GALNT13: variants seen among roughly 807,000 people sequenced by gnomAD.
GALNT13 encodes polypeptide N-acetylgalactosaminyltransferase 13, also known as UDP-GalNAc:polypeptide N-acetylgalactosaminyltransferase 13.
A neutral mutation model predicts 64.2 loss-of-function variants in GALNT13; 28 were observed. The observed-to-expected ratio is 0.44, with a 90% CI of 0.32 to 0.60. GALNT13 has a LOEUF of 0.60. Ranked by LOEUF, GALNT13 falls within the 20% of genes least tolerant of loss-of-function variation. GALNT13 has a pLI of 0.05. For missense variants in GALNT13, 577 were observed against 669.8 expected (o/e 0.86, Z 1.53); for synonymous variants, 214 against 224.6 (o/e 0.95, Z 0.42).
At chr2:153,646,884 T>A in the GALNT13 span, among the ~76,000 whole-genome samples, 1 of 152,190 alleles carries the variant, frequency 6.6e-6, no homozygotes, top group African/African-American at 2.4e-5. Context: ...TTGGGTTGGT[T>A]CCAAGTCTTT....
chr2:154,028,451 G>A (rs902197713), intron 3 of GALNT13, among the ~76,000 whole-genome samples: 1 of 151,984 alleles, frequency 6.6e-6, no homozygotes, highest in Non-Finnish European at 1.5e-5. Flanking sequence ...CCACTTGGGG[G>A]ATTATTGTGC....
chr2:153,620,952 GT>G, the GALNT13 span, among the ~76,000 whole-genome samples: 1 of 152,030 alleles, frequency 6.6e-6, no homozygotes, highest in African/African-American at 2.4e-5. Flanking sequence ...TGTGATCTAA[GT>G]TATATTGCTT....
chr2:153,263,412 C>T, the GALNT13 span, among the ~76,000 whole-genome samples: 1 of 152,076 alleles, frequency 6.6e-6, no homozygotes, highest in South Asian at 2.1e-4. Context: ...GTTAAACTAC[C>T]ATTGACATTC....
Position 153,872,609 on chromosome 2 carries a change from T to C in GALNT13, c.-177+306T>C, listed in dbSNP as rs371401511. Among the ~76,000 whole-genome samples, 217 of 47,634 alleles carry C rather than the reference T, an allele frequency of 4.6e-3. 2 individuals carry two copies. The highest frequency in any genetic ancestry group is 0.02 in the African/African-American group (206 of 10,120). 31.2% of individuals were successfully genotyped at this position (47,634 alleles called of 152,430 possible). On this transcript the variant is annotated intron_variant, in intron 1 of 12. Transcript: ENST00000392825. ...CTGCTTTTCTGGCTACCCCGGTGAG[T>C]TGTTGGTGGCGGGGGGGGGGGGGGG...
chr2:153,881,002 G>C (rs1205732334), intron 1 of GALNT13, among the ~76,000 whole-genome samples: 1 of 152,080 alleles, frequency 6.6e-6, no homozygotes, highest in African/African-American at 2.4e-5. Flanking sequence ...ATTAAAAAAG[G>C]CTGTTCATTT....
At chr2:153,220,813 G>C in the GALNT13 span, among the ~76,000 whole-genome samples, 2 of 152,120 alleles carry the variant, frequency 1.3e-5, no homozygotes, top group Admixed American at 1.3e-4. Flanking sequence ...ATAATAAATA[G>C]AAAACAATAT....
intron 9 of GALNT13, among the ~76,000 whole-genome samples, chr2:154,356,663 T>C (rs577790938): frequency 5.0e-4 from 76 of 152,126 alleles, no homozygotes; most frequent in African/African-American, 1.8e-3. Flanking sequence ...AGGTCAGTTT[T>C]TCCCAAACCT....
chr2:153,920,437 A>G (rs1319505381), intron 2 of GALNT13, among the ~76,000 whole-genome samples: 5 of 152,142 alleles, frequency 3.3e-5, no homozygotes, highest in Admixed American at 3.3e-4. Flanking sequence ...TATATTCAGA[A>G]GATTAAAACT....
At chr2:153,250,294 G>C in the GALNT13 span, among the ~76,000 whole-genome samples, 1 of 152,146 alleles carries the variant, frequency 6.6e-6, no homozygotes. Flanking sequence ...GCTCATCATC[G>C]CTGGTCATTA....
chr2:153,419,446 A>G, the GALNT13 span, among the ~76,000 whole-genome samples: 19 of 152,358 alleles, frequency 1.2e-4, no homozygotes, highest in East Asian at 3.7e-3. Flanking sequence ...CTCAAAAATC[A>G]TATATCCTCC....
intron 4 of GALNT13, among the ~76,000 whole-genome samples, chr2:154,221,501 T>C (rs1489197457): frequency 2.6e-5 from 4 of 152,112 alleles, no homozygotes; most frequent in Non-Finnish European, 2.9e-5. Flanking sequence ...AATTAGAATC[T>C]GTAATTATAG....
chr2:153,576,700 T>C, the GALNT13 span, among the ~76,000 whole-genome samples: 22 of 152,194 alleles, frequency 1.4e-4, no homozygotes, highest in East Asian at 5.8e-4. Context: ...GATAGGAAGA[T>C]AAAACTAGGT....
At chr2:154,257,405 A>G (rs1690438467) in intron 7 of GALNT13, among the ~76,000 whole-genome samples, 1 of 152,048 alleles carries the variant, frequency 6.6e-6, no homozygotes, top group Admixed American at 6.6e-5. Context: ...TAATTGCAGC[A>G]ATTTTGGTTC....
the GALNT13 span, among the ~76,000 whole-genome samples, chr2:153,273,533 T>C: frequency 6.6e-6 from 1 of 152,184 alleles, no homozygotes; most frequent in Admixed American, 6.5e-5. Flanking sequence ...TCAGTTGAAA[T>C]TGCCATTTAT....
At chr2:153,421,214 T>C in the GALNT13 span, 1 of 185,272 alleles carries the variant, frequency 5.4e-6, no homozygotes, top group Non-Finnish European at 1.2e-5. Flanking sequence ...GAGAAGAGGA[T>C]GCAGGAAGAG....
the GALNT13 span, among the ~76,000 whole-genome samples, chr2:153,759,103 C>T: frequency 6.6e-6 from 1 of 152,028 alleles, no homozygotes; most frequent in South Asian, 2.1e-4. Flanking sequence ...TCAGATTGTT[C>T]ATTGTTAGTG....
At chr2:153,976,957 C>A (rs1274939807) in intron 3 of GALNT13, among the ~76,000 whole-genome samples, 1 of 152,046 alleles carries the variant, frequency 6.6e-6, no homozygotes, top group Admixed American at 6.6e-5. Context: ...TTGCACTATA[C>A]CTCCTCTAAT....
intron 12 of GALNT13, among the ~76,000 whole-genome samples, chr2:154,439,526 C>G (rs1463379661): frequency 6.6e-6 from 1 of 152,044 alleles, no homozygotes; most frequent in East Asian, 1.9e-4. Flanking sequence ...CTTCGTTCTG[C>G]TTAAAAGATA....
At chr2:153,621,148 T>G in the GALNT13 span, among the ~76,000 whole-genome samples, 23 of 152,086 alleles carry the variant, frequency 1.5e-4, no homozygotes. Context: ...CTCTGTCTTT[T>G]CTGAGCCACC....
Sources: allele counts gnomAD v4.1 joint callset (sites outside exome capture counted in the v4.1 genomes callset), GRCh38; gene constraint gnomAD v4.1.1; transcripts MANE v1.5; gene names NCBI Gene and HGNC (gene_info 2026-07-23, HGNC 2026-07-21).